Variants in NRG1 observed in about 807,000 individuals in gnomAD.
NRG1 encodes the protein pro-neuregulin-1, membrane-bound isoform.
A neutral mutation model predicts 63.8 loss-of-function variants in NRG1; 18 were observed. The ratio of observed to expected loss-of-function variants is 0.28; its 90% CI spans 0.19 to 0.42. The LOEUF is 0.42. NRG1 is among the 10% of genes least tolerant of loss of function. The pLI is 1.00. For missense variants in NRG1, 762 were observed against 814.7 expected (o/e 0.94, Z 0.79); for synonymous variants, 302 against 301.3 (o/e 1.00, Z -0.02).
intron 11 of NRG1, chr8:32,761,030 G>A (rs551047925): frequency 1.1e-5 from 11 of 976,894 alleles, no homozygotes; most frequent in Non-Finnish European, 1.3e-5. Context: ...AGCAGATACT[G>A]CCTTCAAGAT....
intron 1 of NRG1, among the ~76,000 whole-genome samples, chr8:31,969,620 GT>G (rs2129628418): frequency 6.6e-6 from 1 of 152,272 alleles, no homozygotes; most frequent in East Asian, 1.9e-4. Context: ...AAGGCTGCAT[GT>G]GTGTCTGGCT....
intron 1 of NRG1, among the ~76,000 whole-genome samples, chr8:32,209,268 T>A (rs1183433480): frequency 1.3e-5 from 2 of 152,100 alleles, no homozygotes; most frequent in African/African-American, 4.8e-5. Flanking sequence ...TTTATAAAAT[T>A]ATTTAGTATT....
intron 1 of NRG1, among the ~76,000 whole-genome samples, chr8:31,686,476 T>A (rs930203743): frequency 6.6e-6 from 1 of 152,304 alleles, no homozygotes; most frequent in East Asian, 1.9e-4. Context: ...TGGTAGTTTT[T>A]TTTCTTTTAA....
downstream of NRG1, among the ~76,000 whole-genome samples, chr8:32,768,385 A>C: frequency 6.6e-6 from 1 of 152,232 alleles, no homozygotes; most frequent in Admixed American, 6.5e-5. Flanking sequence ...CAAATAGTCC[A>C]ATGGCCCATA....
chr8:31,883,509 A>G (rs1000162727), intron 1 of NRG1, among the ~76,000 whole-genome samples: 1 of 152,172 alleles, frequency 6.6e-6, no homozygotes, highest in African/African-American at 2.4e-5. Flanking sequence ...AATCCAGATA[A>G]TACATTACTT....
chr8:32,566,185 C>A (rs1837409326), intron 1 of NRG1, among the ~76,000 whole-genome samples: 1 of 151,914 alleles, frequency 6.6e-6, no homozygotes, highest in Non-Finnish European at 1.5e-5. Context: ...GGCGAAACCC[C>A]ATCTCTACTA....
chr8:32,190,812 G>A (rs1186845768), intron 1 of NRG1, among the ~76,000 whole-genome samples: 1 of 152,158 alleles, frequency 6.6e-6, no homozygotes, highest in African/African-American at 2.4e-5. Flanking sequence ...CAGAATACCA[G>A]CATTTATGCC....
At chr8:31,840,349 C>CTTTTTTTTTTTTTT in intron 1 of NRG1, among the ~76,000 whole-genome samples, 1 of 116,858 alleles carries the variant, frequency 8.6e-6, no homozygotes, top group Non-Finnish European at 1.7e-5. Context: ...TATTCTCTGT[C>CTTTTTTTTTTTTTT]TTTTTTTTTT....
At chr8:32,025,847 G>A (rs1310051597) in intron 1 of NRG1, among the ~76,000 whole-genome samples, 6 of 150,706 alleles carry the variant, frequency 4.0e-5, no homozygotes, top group African/African-American at 1.5e-4. Context: ...ACTCGGGGCT[G>A]AGGCAGGAGA....
At chr8:32,343,096 C>T (rs1051174426) in intron 1 of NRG1, among the ~76,000 whole-genome samples, 1 of 152,138 alleles carries the variant, frequency 6.6e-6, no homozygotes, top group African/African-American at 2.4e-5. Context: ...AACCATTTCA[C>T]CTGCATTATG....
chr8:32,366,671 GTGTGTGTATA>G (rs1478816702), intron 1 of NRG1, among the ~76,000 whole-genome samples: 41 of 86,516 alleles, frequency 4.7e-4, no homozygotes, highest in Middle Eastern at 5.5e-3. Context: ...GTGTGTGTGT[GTGTGTGTATA>G]TATATATATA....
intron 1 of NRG1, among the ~76,000 whole-genome samples, chr8:32,105,326 C>T (rs750987187): frequency 3.9e-5 from 6 of 152,180 alleles, no homozygotes; most frequent in African/African-American, 1.2e-4. Flanking sequence ...AATGGACTCA[C>T]AGTTCCGCAT....
intron 1 of NRG1, among the ~76,000 whole-genome samples, chr8:31,802,913 A>G (rs1821927890): frequency 6.6e-6 from 1 of 152,160 alleles, no homozygotes; most frequent in African/African-American, 2.4e-5. Flanking sequence ...GAAATAAACA[A>G]TTTTTAAAAT....
intron 1 of NRG1, among the ~76,000 whole-genome samples, chr8:31,940,144 G>A (rs1801539681): frequency 6.6e-6 from 1 of 152,084 alleles, no homozygotes; most frequent in Non-Finnish European, 1.5e-5. Context: ...TAGACCATAT[G>A]ATAGGCCACA....
At chr8:32,380,543 T>C (rs1287434688) in intron 1 of NRG1, among the ~76,000 whole-genome samples, 2 of 152,028 alleles carry the variant, frequency 1.3e-5, no homozygotes, top group Non-Finnish European at 2.9e-5. Flanking sequence ...TTTCTCAAAC[T>C]TCACACTAAT....
intron 1 of NRG1, among the ~76,000 whole-genome samples, chr8:31,782,955 T>C (rs1282744006): frequency 6.6e-6 from 1 of 152,190 alleles, no homozygotes; most frequent in Non-Finnish European, 1.5e-5. Flanking sequence ...GTATCATTGT[T>C]ATAGCAAAGA....
intron 1 of NRG1, among the ~76,000 whole-genome samples, chr8:31,807,124 C>T (rs1314606406): frequency 1.3e-5 from 2 of 152,148 alleles, no homozygotes; most frequent in Non-Finnish European, 2.9e-5. Context: ...CTTGGCTTCC[C>T]TTGGGAAATA....
intron 1 of NRG1, among the ~76,000 whole-genome samples, chr8:32,155,409 T>C (rs1837946244): frequency 2.0e-5 from 3 of 152,158 alleles, no homozygotes; most frequent in Admixed American, 2.0e-4. Context: ...TAAATCTCAT[T>C]TTTTTTCCAA....
At chr8:32,565,332 A>G (rs1048011170) in intron 1 of NRG1, among the ~76,000 whole-genome samples, 9 of 152,090 alleles carry the variant, frequency 5.9e-5, no homozygotes, top group Non-Finnish European at 1.3e-4. Flanking sequence ...GCTGTTTTCT[A>G]GGCTGCTCTC....
Sources: allele counts gnomAD v4.1 joint callset (sites outside exome capture counted in the v4.1 genomes callset), GRCh38; gene constraint gnomAD v4.1.1; transcripts MANE v1.5; gene names NCBI Gene and HGNC (gene_info 2026-07-23, HGNC 2026-07-21).